MAP4K3: variants seen among roughly 807,000 people sequenced by gnomAD.
MAP4K3 encodes the protein mitogen-activated protein kinase kinase kinase kinase 3.
A neutral mutation model predicts 143.5 loss-of-function variants in MAP4K3; 94 were observed. The ratio of observed to expected loss-of-function variants is 0.65; its 90% CI spans 0.55 to 0.78. MAP4K3 has a LOEUF of 0.78. Ranked by LOEUF, MAP4K3 falls within the 30% of genes least tolerant of loss-of-function variation. MAP4K3 has a pLI of 0.00. For synonymous variants in MAP4K3, 416 were observed against 347.2 expected, an observed-to-expected ratio of 1.20 and a Z score of -2.20; for missense variants, 1,077 against 1,068.1, an observed-to-expected ratio of 1.01 and a Z score of -0.12.
chr2:39,412,696 G>T (rs1667264737), intron 1 of MAP4K3, among the ~76,000 whole-genome samples: 1 of 152,154 alleles, frequency 6.6e-6, no homozygotes, highest in Non-Finnish European at 1.5e-5. Flanking sequence ...TAACGTTTAT[G>T]AAGTACTTAC....
intron 27 of MAP4K3, among the ~76,000 whole-genome samples, chr2:39,266,425 C>T (rs1410193642): frequency 2.6e-5 from 4 of 152,226 alleles, no homozygotes. Context: ...TCACACTCAT[C>T]TGCCACTCTC....
At chr2:39,427,806 CAAGT>C (rs1665140796) in intron 1 of MAP4K3, among the ~76,000 whole-genome samples, 1 of 152,138 alleles carries the variant, frequency 6.6e-6, no homozygotes, top group Admixed American at 6.5e-5. Context: ...CATTGTAGGT[CAAGT>C]GAGTTCTAAA....
intron 32 of MAP4K3, 72 bp downstream of exon 32, chr2:39,254,377 AT>A: frequency 8.5e-7 from 1 of 1,183,430 alleles, no homozygotes; most frequent in South Asian, 1.3e-5. Flanking sequence ...TACTTGTATC[AT>A]TTAGGAATCG....
At chr2:39,367,211 C>T (rs914032167) in intron 2 of MAP4K3, among the ~76,000 whole-genome samples, 20 of 152,152 alleles carry the variant, frequency 1.3e-4, no homozygotes, top group African/African-American at 4.1e-4. Flanking sequence ...TTGGGTTCCA[C>T]AAAGCCAAGT....
intron 31 of MAP4K3, among the ~76,000 whole-genome samples, chr2:39,256,583 T>C (rs1453169851): frequency 2.0e-5 from 3 of 152,242 alleles, no homozygotes; most frequent in Non-Finnish European, 4.4e-5. Context: ...ATCCTTGCTT[T>C]CCTGGGATAG....
chr2:39,385,551 C>CATATATATATATATATAT (rs140387430), intron 1 of MAP4K3, among the ~76,000 whole-genome samples: 17 of 111,242 alleles, frequency 1.5e-4, no homozygotes, highest in South Asian at 3.2e-4. Context: ...GAGCGTTCTT[C>CATATATATATATATATAT]ATATATATAT....
In MAP4K3 at chr2:39,309,473, T is replaced by C. The variant is rs775837420; in HGVS notation, c.1044A>G (p.Pro348=). The change falls in exon 14 of 34, where the codon CCA becomes CCG. Residue 348 remains proline, a synonymous_variant. Coordinates refer to ENST00000263881, the MANE Select transcript of MAP4K3 (RefSeq NM_003618.4). The part of the protein sequence containing the change: ...FDPPLRKETE[P]HHELPDSDGF... ...CTATACTACTTACAAGTTCATGATG[T>C]GGTTCTGTCTCCTTTCTTAAGGGTG... 1 of 1,591,492 alleles carries C rather than the reference T, an allele frequency of 6.3e-7. No homozygotes were observed. The highest frequency in any genetic ancestry group is 1.2e-5 in the South Asian group (1 of 85,822).
intron 1 of MAP4K3, among the ~76,000 whole-genome samples, chr2:39,380,860 T>C (rs1352145098): frequency 3.9e-5 from 6 of 152,158 alleles, no homozygotes; most frequent in African/African-American, 1.2e-4. Flanking sequence ...CCTTTCATGG[T>C]GTATGATTCA....
At chr2:39,313,927 G>A (rs1325907523) in intron 13 of MAP4K3, among the ~76,000 whole-genome samples, 3 of 152,182 alleles carry the variant, frequency 2.0e-5, no homozygotes, top group Admixed American at 6.5e-5. Flanking sequence ...GACTGACAAT[G>A]TAATTTTTTA....
intron 1 of MAP4K3, among the ~76,000 whole-genome samples, chr2:39,420,107 C>G (rs995953409): frequency 8.5e-5 from 13 of 152,186 alleles, no homozygotes; most frequent in Non-Finnish European, 7.3e-5. Context: ...TCTAAGTCAC[C>G]TATTCCTCTG....
At position 39,405,197 on chromosome 2, in the gene MAP4K3, C is replaced by T. The variant is rs115798692; in HGVS notation, c.97-27074G>A. 5.4e-3 allele frequency among the ~76,000 whole-genome samples: 822 copies of T among 152,298 alleles called. 9 individuals are homozygous for T. The highest frequency in any genetic ancestry group is 0.018 in the African/African-American group (767 of 41,564). ...CAACAGAGGACCTTGTGTCACCCCT[C>T]CCCCAGCTCCAGGCAGCTCAGAACA... On this transcript the variant is annotated intron_variant, in intron 1 of 33. Coordinates refer to ENST00000263881, the MANE Select transcript of MAP4K3 (RefSeq NM_003618.4).
At chr2:39,416,072 T>G (rs1447566578) in intron 1 of MAP4K3, among the ~76,000 whole-genome samples, 2 of 143,932 alleles carry the variant, frequency 1.4e-5, no homozygotes, top group Non-Finnish European at 3.0e-5. Context: ...GACTCAAATT[T>G]AAGTCATACT....
chr2:39,269,398 G>GTT (rs1035076570), intron 26 of MAP4K3, among the ~76,000 whole-genome samples: 1 of 150,624 alleles, frequency 6.6e-6, no homozygotes, highest in African/African-American at 2.4e-5. Flanking sequence ...TTAGACATCT[G>GTT]TGTCATTCAG....
chr2:39,414,396 T>C (rs1478357107), intron 1 of MAP4K3, among the ~76,000 whole-genome samples: 2 of 152,240 alleles, frequency 1.3e-5, no homozygotes, highest in Admixed American at 6.5e-5. Context: ...AAGAGGCTAG[T>C]AGCAATTCCA....
Position 39,299,751 on chromosome 2 carries a change from A to G in MAP4K3, c.1170T>C (p.Gly390=). 1 of 1,564,650 alleles carries G rather than the reference A, an allele frequency of 6.4e-7. No individual in the cohort carries two copies. The highest frequency in any genetic ancestry group is 8.7e-7 in the Non-Finnish European group (1 of 1,155,624). Residue 390 remains glycine (G), a synonymous_variant, in exon 16 of 34, where the codon GGT becomes GGC. Transcript: ENST00000263881. The part of the protein sequence containing the change: ...GQGHQGGYFL[G]ANKSLLKSVE... ...AAAAGAACTTTACTTACTTGTTTGC[A>G]CCTAAAAAGTAACCACCTTGGTGTC...
At chr2:39,424,591 A>G (rs1158741280) in intron 1 of MAP4K3, among the ~76,000 whole-genome samples, 1 of 151,936 alleles carries the variant, frequency 6.6e-6, no homozygotes, top group Admixed American at 6.6e-5. Context: ...GCACTTTAGG[A>G]GGTTGAGGTG....
At chr2:39,281,030 A>G (rs1384512204) in intron 22 of MAP4K3, among the ~76,000 whole-genome samples, 1 of 152,228 alleles carries the variant, frequency 6.6e-6, no homozygotes, top group Non-Finnish European at 1.5e-5. Flanking sequence ...ATTATCAAAG[A>G]GCAAAATATT....
intron 1 of MAP4K3, among the ~76,000 whole-genome samples, chr2:39,428,728 AAT>A (rs1665179211): frequency 6.6e-6 from 1 of 152,042 alleles, no homozygotes; most frequent in African/African-American, 2.4e-5. Flanking sequence ...TATCTTTTTA[AAT>A]AGTCATTTTG....
intron 2 of MAP4K3, among the ~76,000 whole-genome samples, chr2:39,357,948 C>T (rs1665657083): frequency 6.6e-6 from 1 of 152,166 alleles, no homozygotes; most frequent in Non-Finnish European, 1.5e-5. Context: ...GACAAAAGCT[C>T]TCTTTCTGGG....
Sources: allele counts gnomAD v4.1 joint callset (sites outside exome capture counted in the v4.1 genomes callset), GRCh38; gene constraint gnomAD v4.1.1; transcripts MANE v1.5; gene names NCBI Gene and HGNC (gene_info 2026-07-23, HGNC 2026-07-21).